Variants in PPP3CA observed in about 807,000 individuals in gnomAD.
The protein encoded by PPP3CA is CAM-PRP catalytic subunit.
Under a neutral mutation model 66.5 loss-of-function variants are expected in PPP3CA, and 14 were observed. That is an observed-to-expected ratio of 0.21 (90% CI 0.14 to 0.33). The LOEUF is 0.33. Ranked by LOEUF, PPP3CA falls within the 10% of genes least tolerant of loss-of-function variation. The probability of loss-of-function intolerance (pLI) is 1.00; values close to 1 mark genes in which losing one functional copy is unlikely to be tolerated. For missense variants in PPP3CA, 317 were observed against 639.5 expected, an observed-to-expected ratio of 0.50 and a Z score of 5.44; for synonymous variants, 232 against 226.2, an observed-to-expected ratio of 1.03 and a Z score of -0.23.
At chr4:101,047,550 C>A (rs1001886208) in intron 10 of PPP3CA, among the ~76,000 whole-genome samples, 1 of 151,970 alleles carries the variant, frequency 6.6e-6, no homozygotes, top group Non-Finnish European at 1.5e-5. Flanking sequence ...TTATATTATT[C>A]TTTTTTTCTT....
chr4:101,289,870 A>ATGTGTGTGTG (rs72004461), intron 1 of PPP3CA, among the ~76,000 whole-genome samples: 64 of 141,828 alleles, frequency 4.5e-4, no homozygotes, highest in Middle Eastern at 7.0e-3. Flanking sequence ...ATGTCCGTGT[A>ATGTGTGTGTG]TGTGTGTGTG....
At chr4:101,051,747 C>G (rs542670443) in intron 10 of PPP3CA, among the ~76,000 whole-genome samples, 2 of 151,998 alleles carry the variant, frequency 1.3e-5, no homozygotes, top group Non-Finnish European at 2.9e-5. Context: ...TTTGCTTTCT[C>G]GAATAAATTT....
chr4:101,182,497 C>T (rs9990724), intron 2 of PPP3CA, among the ~76,000 whole-genome samples: 5,343 of 152,114 alleles, frequency 0.035, 321 homozygotes, highest in African/African-American at 0.12. Context: ...AACAACAAAA[C>T]AGAAGGCATA....
Position 101,180,851 on chromosome 4 carries a change from T to C in PPP3CA, c.259+15065A>G, listed in dbSNP as rs181523945. Among the ~76,000 whole-genome samples, 154 of 152,036 alleles carry C rather than the reference T, an allele frequency of 1.0e-3. 2 individuals carry two copies. The highest frequency in any genetic ancestry group is 3.4e-3 in the African/African-American group (139 of 41,484). On this transcript the variant is annotated intron_variant, in intron 2 of 13. Coordinates refer to ENST00000394854, the MANE Select transcript of PPP3CA (RefSeq NM_000944.5). ...GAGTTCAAGACCATCCTAGGCAACA[T>C]AGTGAGTCTCTACAAAAAAATAAAA...
intron 1 of PPP3CA, among the ~76,000 whole-genome samples, chr4:101,261,628 T>C (rs1021969625): frequency 1.3e-5 from 2 of 152,076 alleles, no homozygotes; most frequent in Non-Finnish European, 2.9e-5. Flanking sequence ...GTAGTATAAT[T>C]ATTTTCACTT....
intron 1 of PPP3CA, among the ~76,000 whole-genome samples, chr4:101,272,176 T>C (rs1467516218): frequency 6.6e-6 from 1 of 152,216 alleles, no homozygotes; most frequent in Admixed American, 6.5e-5. Flanking sequence ...TCTACCATCC[T>C]AGTTATAGCA....
intron 1 of PPP3CA, among the ~76,000 whole-genome samples, chr4:101,278,068 C>T (rs1727557826): frequency 6.9e-6 from 1 of 144,532 alleles, no homozygotes; most frequent in Non-Finnish European, 1.5e-5. Flanking sequence ...GGAGAAAGGG[C>T]CACTTCTTAA....
intron 12 of PPP3CA, among the ~76,000 whole-genome samples, chr4:101,030,522 T>G (rs767813930): frequency 1.3e-5 from 2 of 152,146 alleles, no homozygotes; most frequent in Non-Finnish European, 2.9e-5. Context: ...TTCCAACCCA[T>G]ATGTCTTTTA....
chr4:101,242,614 G>A (rs769656766), intron 1 of PPP3CA, among the ~76,000 whole-genome samples: 7 of 152,194 alleles, frequency 4.6e-5, no homozygotes, highest in Non-Finnish European at 2.9e-5. Context: ...TGTCTTATAT[G>A]TGTCATTATC....
chr4:101,108,882 T>G lies in PPP3CA; in HGVS notation c.384+72A>C, dbSNP rs1052568113. 12 of 1,476,736 alleles carry G rather than the reference T, an allele frequency of 8.1e-6. No homozygotes were observed. In the African/African-American group the frequency reaches 1.7e-4, roughly 21 times the overall value. The allele number at this position is 1,476,736 out of a possible 1,614,324, so 91.5% of individuals were successfully genotyped here. A position where few individuals can be genotyped will look rare whatever the true frequency, so the allele number is the denominator to read the frequency against. On this transcript the variant is annotated intron_variant, in intron 3 of 13. Transcript: ENST00000394854. ...AGAGGTTTCCATAAGGCAATAACATTTACTGCTTTTATTTTTTTGAGATAC... is the reference window on the plus strand; with the variant it reads ...AGAGGTTTCCATAAGGCAATAACATGTACTGCTTTTATTTTTTTGAGATAC...
At chr4:101,099,426 T>C (rs987896438) in intron 4 of PPP3CA, among the ~76,000 whole-genome samples, 185 bp downstream of exon 4, 2 of 152,134 alleles carry the variant, frequency 1.3e-5, no homozygotes, top group Non-Finnish European at 1.5e-5. Context: ...GAAGTTCTAA[T>C]TTAAAAAGAA....
At chr4:101,286,631 T>C (rs1455398897) in intron 1 of PPP3CA, among the ~76,000 whole-genome samples, 1 of 152,214 alleles carries the variant, frequency 6.6e-6, no homozygotes, top group Non-Finnish European at 1.5e-5. Flanking sequence ...ACTCATAGCA[T>C]CTGCTAGCCA....
At chr4:101,155,613 C>T (rs894843336) in intron 2 of PPP3CA, among the ~76,000 whole-genome samples, 24 of 152,294 alleles carry the variant, frequency 1.6e-4, no homozygotes, top group Middle Eastern at 6.8e-3. Flanking sequence ...CATTTGGCCC[C>T]AGGCTTCTGA....
At chr4:101,211,234 G>C (rs1034325147) in intron 1 of PPP3CA, among the ~76,000 whole-genome samples, 4 of 152,128 alleles carry the variant, frequency 2.6e-5, no homozygotes, top group Non-Finnish European at 4.4e-5. Flanking sequence ...CCTCCCTGTA[G>C]ATAAGTGACT....
At chr4:101,202,096 A>G (rs1724983334) in intron 1 of PPP3CA, among the ~76,000 whole-genome samples, 1 of 152,218 alleles carries the variant, frequency 6.6e-6, no homozygotes, top group Non-Finnish European at 1.5e-5. Flanking sequence ...AAAAAAATAT[A>G]TAAGTAGTAA....
At chr4:101,029,347 T>TAAAAAAAAAAAAAAAAAAAAAAAA (rs34620032) in intron 12 of PPP3CA, 152 bp from the exon 13 acceptor site, 4 of 78,820 alleles carry the variant, frequency 5.1e-5, no homozygotes, top group Admixed American at 3.8e-4. Flanking sequence ...ACAGAAATGC[T>TAAAAAAAAAAAAAAAAAAAAAAAA]AAAAAAAAAA....
chr4:101,268,847 T>C (rs1727247674), intron 1 of PPP3CA, among the ~76,000 whole-genome samples: 1 of 152,290 alleles, frequency 6.6e-6, no homozygotes, highest in South Asian at 2.1e-4. Flanking sequence ...ATGTCTATGC[T>C]GTGTTCCTAA....
At chr4:101,118,323 C>G (rs1721912201) in intron 2 of PPP3CA, among the ~76,000 whole-genome samples, 1 of 152,034 alleles carries the variant, frequency 6.6e-6, no homozygotes, top group South Asian at 2.1e-4. Context: ...CCTGGAGAAT[C>G]AGCTAATCTC....
chr4:101,072,483 G>A (rs1281686049), intron 8 of PPP3CA, among the ~76,000 whole-genome samples: 2 of 152,106 alleles, frequency 1.3e-5, no homozygotes, highest in Non-Finnish European at 2.9e-5. Flanking sequence ...GGAAAAATAT[G>A]CAGTTCCTTT....
Sources: gnomAD v4.1 joint callset for allele counts (sites outside exome capture counted in the v4.1 genomes callset) on GRCh38, gnomAD v4.1.1 for gene constraint, MANE v1.5 for transcripts, NCBI Gene and HGNC (gene_info 2026-07-23, HGNC 2026-07-21) for gene names.